Variants in ZNF620 observed in about 807,000 individuals in gnomAD.
ZNF620 encodes the protein zinc finger protein 620.
Under a neutral mutation model 13.3 loss-of-function variants are expected in ZNF620, and 10 were observed. The ratio of observed to expected loss-of-function variants is 0.75; its 90% confidence interval spans 0.46 to 1.28. The LOEUF is 1.28. Ranked by LOEUF, ZNF620 falls within the 50% of genes most tolerant of loss-of-function variation. ZNF620 has a pLI of 0.00. For synonymous variants in ZNF620, 166 were observed against 177.6 expected (o/e 0.93, Z 0.52); for missense variants, 461 against 500.2 (o/e 0.92, Z 0.75).
chr3:40,506,678 C>T (rs543463360), intron 2 of ZNF620, among the ~76,000 whole-genome samples: 1 of 152,336 alleles, frequency 6.6e-6, no homozygotes, highest in East Asian at 1.9e-4. Flanking sequence ...TGGAGAAGTA[C>T]TTACTTCTTC....
chr3:40,514,054 T>C (rs974910766), intron 4 of ZNF620, among the ~76,000 whole-genome samples: 1 of 152,060 alleles, frequency 6.6e-6, no homozygotes, highest in African/African-American at 2.4e-5. Context: ...GAGTCTCCCT[T>C]TCCCCGGGGG....
rs779976616 is a variant in ZNF620 at position 40,512,413 on chromosome 3, A to G, written c.163A>G (p.Thr55Ala). 3 of 1,613,850 alleles carry G rather than the reference A, an allele frequency of 1.9e-6. No individual in the cohort carries two copies. Among genetic ancestry groups the G allele is most frequent in the South Asian group, 1.1e-5 (1 of 91,080 alleles). The change falls in exon 4 of 5, where the codon ACC becomes GCC. Residue 55 changes from threonine (T) to alanine (A), a missense_variant. Physicochemically the swap from Thr to Ala is moderately conservative, Grantham distance 58. Transcript: ENST00000314529. Reference protein sequence around the residue: ...ANVASLAFPFTTPVLVSQLEQ... With the variant: ...ANVASLAFPFATPVLVSQLEQ... ...TTCTCCCTGGGCAGCATTCCCATTCACCACGCCTGTTCTGGTCTCCCAGCT... is the reference window on the plus strand; with the variant it reads ...TTCTCCCTGGGCAGCATTCCCATTCGCCACGCCTGTTCTGGTCTCCCAGCT...
At chr3:40,510,277 G>A (rs1317010175) in intron 2 of ZNF620, among the ~76,000 whole-genome samples, 1 of 151,938 alleles carries the variant, frequency 6.6e-6, no homozygotes, top group African/African-American at 2.4e-5. Context: ...CCTCCCAAGG[G>A]GCTGGGATTA....
chr3:40,509,785 T>C (rs1478683023), intron 2 of ZNF620, among the ~76,000 whole-genome samples: 3 of 152,162 alleles, frequency 2.0e-5, no homozygotes, highest in Non-Finnish European at 4.4e-5. Context: ...TACAAGGAAA[T>C]ATGCCAGGTT....
Position 40,507,822 on chromosome 3 carries a change from G to A in ZNF620, c.24+1446G>A, listed in dbSNP as rs1575286007. ...TTATTTATTTTTATTTTTTGACAAC[G>A]GTTTTCTCTATGTTGCCCAGGCTGA... On this transcript the variant is annotated intron_variant, in intron 2 of 4. Coordinates refer to ENST00000314529, the MANE Select transcript of ZNF620 (RefSeq NM_175888.4). Among the ~76,000 whole-genome samples the A allele has an allele frequency of 2.0e-5, 3 of 152,034 alleles. No homozygotes were observed. The South Asian group carries it at 6.2e-4, about 32-fold the overall frequency.
rs376626870 is a variant in ZNF620 at position 40,506,428 on chromosome 3, C to T, written c.24+52C>T. 47 of 1,309,716 alleles carry T rather than the reference C, an allele frequency of 3.6e-5. No homozygotes were observed. The highest frequency in any genetic ancestry group is 8.3e-6 in the Non-Finnish European group (8 of 966,120). 81.1% of individuals were successfully genotyped at this position (1,309,716 alleles called of 1,614,324 possible). ...CCACCCTTTAGATGTCAAGAGAGAG[C>T]AGGTGTCACCTCTGCATTCAGATCT... On this transcript the variant is annotated intron_variant, in intron 2 of 4. Transcript: ENST00000314529.
intron 2 of ZNF620, among the ~76,000 whole-genome samples, chr3:40,510,612 T>C (rs1403134774): frequency 6.6e-6 from 1 of 152,214 alleles, no homozygotes; most frequent in Non-Finnish European, 1.5e-5. Context: ...GTGGTGTGAA[T>C]TGGGCCCCTT....
In ZNF620 at chr3:40,513,316, A is replaced by AAAAAT. The variant is rs1193351404; in HGVS notation, c.265+802_265+803insAAATA. Among the ~76,000 whole-genome samples the AAAAAT allele has an allele frequency of 4.9e-3, 307 of 62,518 alleles. 2 individuals are homozygous for AAAAAT. Among genetic ancestry groups the AAAAAT allele is most frequent in the African/African-American group, 0.025 (287 of 11,552 alleles). The allele number at this position is 62,518 out of a possible 152,430, so 41.0% of individuals were successfully genotyped here. On this transcript the variant is annotated intron_variant, in intron 4 of 4. Transcript: ENST00000314529. ...CCCGTCTCAACTAAAAAAAAAAAAA[A>AAAAAT]ATATATATATATATATATATATATA...
At chr3:40,507,525 T>A (rs1428731787) in intron 2 of ZNF620, among the ~76,000 whole-genome samples, 1 of 152,206 alleles carries the variant, frequency 6.6e-6, no homozygotes, top group Non-Finnish European at 1.5e-5. Context: ...TTGTTAAAAT[T>A]TTATTTAGAA....
chr3:40,516,284 A>G lies in ZNF620; in HGVS notation c.690A>G (p.Gly230=). The stretch of plus-strand genomic sequence containing the variant: ...AGTCTTTTGAATGCAAAGAATGTGG[A>G]AAATACTTCAGATATAACTCATTAC... ...GEKSFECKEC[G]KYFRYNSLLI... The change falls in exon 5 of 5, where the codon GGA becomes GGG. Residue 230 remains glycine (G), a synonymous_variant. Transcript: ENST00000314529. 6.2e-7 allele frequency: 1 copy of G among 1,614,222 alleles called. No homozygotes were observed. Among genetic ancestry groups the G allele is most frequent in the Non-Finnish European group, 8.5e-7 (1 of 1,180,048 alleles).
rs370195603 is a variant in ZNF620 at position 40,507,089 on chromosome 3, G to GTTT, written c.24+732_24+734dup. ...CTGTGTCTATTTAGATGACCATATG[G>GTTT]TTTTTTTTTTTTTTTTTTTTTGAGA... On this transcript the variant is annotated intron_variant, in intron 2 of 4. Transcript: ENST00000314529. Among the ~76,000 whole-genome samples, 430 of 98,146 alleles carry GTTT rather than the reference G, an allele frequency of 4.4e-3. 20 individuals carry two copies. Among genetic ancestry groups the GTTT allele is most frequent in the African/African-American group, 8.5e-3 (205 of 24,058 alleles). 64.4% of individuals were successfully genotyped at this position (98,146 alleles called of 152,430 possible).
At chr3:40,511,448 G>C (rs1158103931) in intron 2 of ZNF620, 22 bp from the exon 3 acceptor site, 2 of 1,610,848 alleles carry the variant, frequency 1.2e-6, no homozygotes, top group South Asian at 2.2e-5. Context: ...CACAGGGTTT[G>C]AGCAGGAACT....
At chr3:40,507,461 C>T (rs182166609) in intron 2 of ZNF620, among the ~76,000 whole-genome samples, 1 of 152,274 alleles carries the variant, frequency 6.6e-6, no homozygotes, top group East Asian at 1.9e-4. Context: ...TGGGATAAAA[C>T]CGACTTCGTC....
Position 40,512,503 on chromosome 3 carries a change from G to A in ZNF620, c.253G>A (p.Gly85Ser). The change falls in exon 4 of 5, where the codon GGT becomes AGT. Residue 85 changes from glycine to serine, a missense_variant. Physicochemically the swap from Gly to Ser is moderately conservative, Grantham distance 56. Coordinates refer to ENST00000314529, the MANE Select transcript of ZNF620 (RefSeq NM_175888.4). ...ACCTATGGGCAGGGAGGCTCTCAGAGGTATCTGTCCAGGTGAGCATGAGAA... is the reference window on the plus strand; with the variant it reads ...ACCTATGGGCAGGGAGGCTCTCAGAAGTATCTGTCCAGGTGAGCATGAGAA... ...WEPMGREALR[G>S]ICPGDEARTE... 1 of 1,613,094 alleles carries A rather than the reference G, an allele frequency of 6.2e-7. No homozygotes were observed. The highest frequency in any genetic ancestry group is 8.5e-7 in the Non-Finnish European group (1 of 1,179,554).
At chr3:40,512,278 A>C in intron 3 of ZNF620, 124 bp from the exon 4 acceptor site, 1 of 794,858 alleles carries the variant, frequency 1.3e-6, no homozygotes, top group South Asian at 1.5e-5. Context: ...AGCATAGATT[A>C]AGTTTCTCCC....
In ZNF620 at chr3:40,516,930, GT is replaced by G; in HGVS notation, c.*68del. On this transcript the variant is annotated 3_prime_UTR_variant, in exon 5 of 5. Coordinates refer to ENST00000314529, the MANE Select transcript of ZNF620 (RefSeq NM_175888.4). Reference sequence around the variant, plus strand: ...CTTTATTTTCATGCTTTTTATCAGTGTCCTCGCTGTCCTTCCTGGTTAGACA... The same window carrying G: ...CTTTATTTTCATGCTTTTTATCAGTGCCTCGCTGTCCTTCCTGGTTAGACA... The G allele has an allele frequency of 6.7e-7, 1 of 1,486,228 alleles. No homozygotes were observed. Among genetic ancestry groups the G allele is most frequent in the South Asian group, 1.4e-5 (1 of 69,894 alleles). The allele number at this position is 1,486,228 out of a possible 1,614,324, so 92.1% of individuals were successfully genotyped here. A position where few individuals can be genotyped will look rare whatever the true frequency, so the allele number is the denominator to read the frequency against.
intron 2 of ZNF620, 144 bp from the exon 3 acceptor site, chr3:40,511,326 C>A: frequency 8.7e-7 from 1 of 1,152,746 alleles, no homozygotes; most frequent in Non-Finnish European, 1.2e-6. Context: ...TTGGTGCGGG[C>A]AAAGATGGCT....
chr3:40,517,438 C>G lies in ZNF620; in HGVS notation c.*575C>G, dbSNP rs937623632. On this transcript the variant is annotated 3_prime_UTR_variant, in exon 5 of 5. Transcript: ENST00000314529. Reference sequence around the variant, plus strand: ...TGGCGCATGCCTGTAATCCCAGCTACTAGAGAGGCTGAGGCAGGAGAATCA... The same window carrying G: ...TGGCGCATGCCTGTAATCCCAGCTAGTAGAGAGGCTGAGGCAGGAGAATCA... 1 of 151,816 alleles carries G rather than the reference C, an allele frequency of 6.6e-6. No homozygotes were observed. The highest frequency in any genetic ancestry group is 1.5e-5 in the Non-Finnish European group (1 of 68,012). The allele number at this position is 151,816 out of a possible 1,614,324, so 9.4% of individuals were successfully genotyped here.
rs750132356 is a variant in ZNF620 at position 40,516,651 on chromosome 3, C to T, written c.1057C>T (p.Gln353Ter). 6.2e-7 allele frequency: 1 copy of T among 1,613,838 alleles called. No individual in the cohort carries two copies. Among genetic ancestry groups the T allele is most frequent in the Non-Finnish European group, 8.5e-7 (1 of 1,179,760 alleles). The change falls in exon 5 of 5, where the codon CAG (glutamine) becomes TAG (stop). Residue 353 changes from glutamine to a stop codon, truncating the protein, a stop_gained. Coordinates refer to ENST00000314529, the MANE Select transcript of ZNF620 (RefSeq NM_175888.4). LOFTEE classifies it low-confidence loss of function (END_TRUNC). ...ATTAAGCTCCAACACAGCCTTGACT[C>T]AGCATCAGCGAATTCACACTGGGGA... ...KRLSSNTALT[Q>*]HQRIHTGEKP...
Sources: gnomAD v4.1 joint callset for allele counts (sites outside exome capture counted in the v4.1 genomes callset) on GRCh38, gnomAD v4.1.1 for gene constraint, MANE v1.5 for transcripts, NCBI Gene and HGNC (gene_info 2026-07-23, HGNC 2026-07-21) for gene names.